DCC: variants seen among roughly 807,000 people sequenced by gnomAD.
DCC encodes netrin receptor DCC.
DCC carries 58 observed loss-of-function variants against 172.5 expected under a neutral mutation model. That is an observed-to-expected ratio of 0.34 (90% CI 0.27 to 0.42). DCC has a LOEUF of 0.42. Among genes scored for constraint, DCC ranks in the 10% least tolerant of loss-of-function variants. The probability of loss-of-function intolerance (pLI) is 1.00; values close to 1 mark genes in which losing one functional copy is unlikely to be tolerated. For missense variants in DCC, 1,740 were observed against 1,791.0 expected (o/e 0.97, Z 0.51); for synonymous variants, 709 against 644.5 (o/e 1.10, Z -1.52).
intron 12 of DCC, among the ~76,000 whole-genome samples, chr18:53,280,620 T>C (rs991965928): frequency 1.3e-5 from 2 of 152,134 alleles, no homozygotes; most frequent in Non-Finnish European, 2.9e-5. Flanking sequence ...TTCTCTGTGA[T>C]AGATTTTCTC....
chr18:52,780,980 A>G (rs1376868122), intron 2 of DCC, among the ~76,000 whole-genome samples: 1 of 152,148 alleles, frequency 6.6e-6, no homozygotes, highest in East Asian at 1.9e-4. Flanking sequence ...TTTCTACACA[A>G]AAGACAGATT....
chr18:52,962,262 GA>G (rs1203518057), intron 5 of DCC, among the ~76,000 whole-genome samples: 1 of 151,602 alleles, frequency 6.6e-6, no homozygotes, highest in Admixed American at 6.6e-5. Context: ...AAATTTACAA[GA>G]AAAAAACAAC....
intron 22 of DCC, among the ~76,000 whole-genome samples, chr18:53,446,743 C>T (rs1912635831): frequency 6.6e-6 from 1 of 152,132 alleles, no homozygotes; most frequent in African/African-American, 2.4e-5. Context: ...CTCATGTCAC[C>T]ACCTAAGACA....
At chr18:53,260,320 C>T (rs986086478) in intron 12 of DCC, among the ~76,000 whole-genome samples, 1 of 152,008 alleles carries the variant, frequency 6.6e-6, no homozygotes, top group South Asian at 2.1e-4. Context: ...TGTTTTTTCC[C>T]TGTCTTTGTG....
At chr18:53,478,661 G>A (rs145889387) in intron 25 of DCC, among the ~76,000 whole-genome samples, 1 of 152,314 alleles carries the variant, frequency 6.6e-6, no homozygotes, top group Non-Finnish European at 1.5e-5. Context: ...CTTTGCCATG[G>A]TAATGGCTAC....
At chr18:53,093,264 G>A (rs1195829525) in intron 7 of DCC, among the ~76,000 whole-genome samples, 1 of 152,098 alleles carries the variant, frequency 6.6e-6, no homozygotes, top group African/African-American at 2.4e-5. Context: ...GCGACAGAGC[G>A]AGACTCTGTC....
chr18:53,367,564 C>T (rs553272951), intron 15 of DCC, among the ~76,000 whole-genome samples: 63 of 152,162 alleles, frequency 4.1e-4, no homozygotes, highest in African/African-American at 1.3e-3. Context: ...AAGTATACAA[C>T]TCAATGTCAT....
chr18:52,893,370 A>G (rs2039680495), intron 2 of DCC, among the ~76,000 whole-genome samples: 1 of 152,174 alleles, frequency 6.6e-6, no homozygotes, highest in Admixed American at 6.5e-5. Context: ...AGTGCCTGGT[A>G]TGTATTCAAT....
intron 7 of DCC, among the ~76,000 whole-genome samples, chr18:53,142,260 A>T (rs1032898527): frequency 4.6e-5 from 7 of 152,230 alleles, no homozygotes; most frequent in Admixed American, 2.0e-4. Context: ...GACACTTCTC[A>T]GATTGATGGC....
At chr18:52,400,184 G>GT (rs151093552) in intron 1 of DCC, among the ~76,000 whole-genome samples, 1 of 152,028 alleles carries the variant, frequency 6.6e-6, no homozygotes, top group East Asian at 1.9e-4. Context: ...AGCTGAATGT[G>GT]TACCCAGTAT....
chr18:52,761,230 A>G (rs1208374352), intron 2 of DCC, among the ~76,000 whole-genome samples: 1 of 152,204 alleles, frequency 6.6e-6, no homozygotes, highest in African/African-American at 2.4e-5. Context: ...TTTTAAAACC[A>G]TCACATCTTG....
chr18:53,260,639 A>G (rs2056584530), intron 12 of DCC, among the ~76,000 whole-genome samples: 1 of 151,756 alleles, frequency 6.6e-6, no homozygotes, highest in Non-Finnish European at 1.5e-5. Flanking sequence ...CAGTTAGGCT[A>G]CTCGGGGGTC....
intron 1 of DCC, among the ~76,000 whole-genome samples, chr18:52,417,149 T>C (rs1054599918): frequency 5.9e-5 from 9 of 152,118 alleles, no homozygotes; most frequent in Admixed American, 2.0e-4. Context: ...TTTGGCTGGA[T>C]ATGAAATTCT....
intron 2 of DCC, among the ~76,000 whole-genome samples, chr18:52,797,275 G>A (rs540681597): frequency 6.6e-6 from 1 of 152,166 alleles, no homozygotes; most frequent in African/African-American, 2.4e-5. Flanking sequence ...TTGGGGATCT[G>A]TTATTGAAGA....
At chr18:52,476,839 C>G (rs1041203538) in intron 1 of DCC, among the ~76,000 whole-genome samples, 1 of 152,124 alleles carries the variant, frequency 6.6e-6, no homozygotes. Flanking sequence ...GGAATTTTGT[C>G]GAGCATCACT....
intron 1 of DCC, among the ~76,000 whole-genome samples, chr18:52,344,907 C>T (rs1170003073): frequency 1.3e-5 from 2 of 152,142 alleles, no homozygotes; most frequent in Non-Finnish European, 2.9e-5. Flanking sequence ...ATTTCCACCC[C>T]CTCATACCTT....
At chr18:52,584,555 C>A (rs1444137356) in intron 1 of DCC, among the ~76,000 whole-genome samples, 3 of 152,064 alleles carry the variant, frequency 2.0e-5, no homozygotes, top group African/African-American at 7.2e-5. Context: ...CACAGATATA[C>A]CTCTGTCGAT....
intron 2 of DCC, 26 bp from the exon 3 acceptor site, chr18:52,906,018 T>G: frequency 6.8e-7 from 1 of 1,476,862 alleles, no homozygotes; most frequent in South Asian, 1.1e-5. Context: ...GGAAGACTTA[T>G]TCTTCCTTCT....
At chr18:53,130,281 C>A (rs1044451994) in intron 7 of DCC, among the ~76,000 whole-genome samples, 6 of 152,172 alleles carry the variant, frequency 3.9e-5, no homozygotes, top group African/African-American at 1.4e-4. Context: ...TAAAGAGCAG[C>A]TTTTTAAAGT....
Sources: allele counts gnomAD v4.1 joint callset (sites outside exome capture counted in the v4.1 genomes callset), GRCh38; gene constraint gnomAD v4.1.1; transcripts MANE v1.5; gene names NCBI Gene and HGNC (gene_info 2026-07-23, HGNC 2026-07-21).